Variants in ERBIN observed in about 807,000 individuals in gnomAD.
ERBIN encodes densin-180-like protein.
ERBIN carries 60 observed loss-of-function variants against 158.4 expected under a neutral mutation model. That is an observed-to-expected ratio of 0.38 (90% CI 0.31 to 0.47). ERBIN has a LOEUF of 0.47. Ranked by LOEUF, ERBIN falls within the 20% of genes least tolerant of loss-of-function variation. The probability of loss-of-function intolerance (pLI) is 0.99; values close to 1 mark genes in which losing one functional copy is unlikely to be tolerated. For synonymous variants in ERBIN, 594 were observed against 557.2 expected (o/e 1.07, Z -0.93); for missense variants, 1,610 against 1,648.0 (o/e 0.98, Z 0.40).
chr5:65,978,959 G>A lies in ERBIN; in HGVS notation c.-57-9676G>A, dbSNP rs575746139. Among the ~76,000 whole-genome samples the A allele has an allele frequency of 2.6e-5, 4 of 152,278 alleles. No individual in the cohort carries two copies. In the East Asian group the frequency reaches 5.8e-4, roughly 22 times the overall value. On this transcript the variant is annotated intron_variant, in intron 1 of 25. Transcript: ENST00000284037. ...CTACTACCTCAGATTTGACAAGATC[G>A]AAAAGGTGACTGTGGGTCGGTGATG...
At chr5:66,051,029 C>A (rs1324323421) in intron 20 of ERBIN, 63 bp downstream of exon 20, 8 of 1,041,284 alleles carry the variant, frequency 7.7e-6, no homozygotes, top group Middle Eastern at 4.6e-4. Flanking sequence ...AGGCAGATAA[C>A]AAATACATAA....
chr5:66,001,154 GA>G (rs1428361942), intron 4 of ERBIN, among the ~76,000 whole-genome samples: 1 of 151,930 alleles, frequency 6.6e-6, no homozygotes, highest in Non-Finnish European at 1.5e-5. Flanking sequence ...GTAATATTTT[GA>G]AATTATTAAA....
At chr5:66,074,676 A>C (rs776113317) in intron 22 of ERBIN, among the ~76,000 whole-genome samples, 1 of 152,166 alleles carries the variant, frequency 6.6e-6, no homozygotes, top group Non-Finnish European at 1.5e-5. Context: ...TTGGTATACT[A>C]TGTGCCATTT....
intron 18 of ERBIN, 42 bp downstream of exon 18, chr5:66,046,580 C>A: frequency 2.9e-6 from 4 of 1,400,816 alleles, no homozygotes; most frequent in Non-Finnish European, 3.8e-6. Flanking sequence ...TAAGAACTTT[C>A]AATTTAATAT....
intron 1 of ERBIN, among the ~76,000 whole-genome samples, chr5:65,964,741 CTTT>C (rs70987103): frequency 8.4e-6 from 1 of 119,474 alleles, no homozygotes. Flanking sequence ...CCAGAGCAAT[CTTT>C]TTTTTTTTTT....
At chr5:65,982,192 C>T (rs961548562) in intron 1 of ERBIN, among the ~76,000 whole-genome samples, 16 of 152,154 alleles carry the variant, frequency 1.1e-4, no homozygotes, top group African/African-American at 3.4e-4. Flanking sequence ...TACTGAAAGT[C>T]CTGTAGTACC....
chr5:66,054,972 C>T, intron 21 of ERBIN, 21 bp downstream of exon 21: 2 of 1,526,034 alleles, frequency 1.3e-6, no homozygotes, highest in Non-Finnish European at 1.8e-6. Context: ...ATGAGTTTTT[C>T]ATTATTTTCT....
At chr5:65,996,751 GT>G (rs766190425) in intron 4 of ERBIN, among the ~76,000 whole-genome samples, 23 of 152,140 alleles carry the variant, frequency 1.5e-4, no homozygotes, top group Non-Finnish European at 2.9e-4. Context: ...TGATTTTGAA[GT>G]CCGTGAACAC....
At chr5:65,977,833 C>T (rs1300104627) in intron 1 of ERBIN, among the ~76,000 whole-genome samples, 2 of 151,586 alleles carry the variant, frequency 1.3e-5, no homozygotes, top group East Asian at 1.9e-4. Flanking sequence ...TGTAGCGAGC[C>T]GAGATCACGC....
At chr5:66,065,890 A>C (rs1760940047) in intron 21 of ERBIN, among the ~76,000 whole-genome samples, 2 of 152,082 alleles carry the variant, frequency 1.3e-5, no homozygotes, top group Non-Finnish European at 2.9e-5. Context: ...ATAATGTTAG[A>C]TGTGGTTCTT....
intron 3 of ERBIN, among the ~76,000 whole-genome samples, chr5:65,994,073 G>C (rs1752171820): frequency 6.6e-6 from 1 of 152,094 alleles, no homozygotes; most frequent in Non-Finnish European, 1.5e-5. Flanking sequence ...TATCCTAGGG[G>C]TCATCTTACA....
chr5:65,952,434 A>G (rs1746619116), intron 1 of ERBIN, among the ~76,000 whole-genome samples: 1 of 152,138 alleles, frequency 6.6e-6, no homozygotes, highest in Non-Finnish European at 1.5e-5. Context: ...ATCATGGTGC[A>G]TTGCAGCCTC....
chr5:66,018,492 T>TATATAA (rs1331154080), intron 7 of ERBIN, among the ~76,000 whole-genome samples: 1 of 8,384 alleles, frequency 1.2e-4, no homozygotes, highest in Non-Finnish European at 2.4e-4. Flanking sequence ...ATATATTATA[T>TATATAA]TATATAATAT....
intron 1 of ERBIN, among the ~76,000 whole-genome samples, chr5:65,983,254 C>G (rs1305913910): frequency 6.6e-6 from 1 of 152,092 alleles, no homozygotes; most frequent in East Asian, 1.9e-4. Flanking sequence ...TGATGTTGAT[C>G]TTCTAGTTAT....
At chr5:65,983,413 CTT>C (rs932245317) in intron 1 of ERBIN, among the ~76,000 whole-genome samples, 3 of 151,274 alleles carry the variant, frequency 2.0e-5, no homozygotes, top group African/African-American at 7.3e-5. Context: ...AGTTCAAAAA[CTT>C]TTTTTTTACT....
intron 21 of ERBIN, among the ~76,000 whole-genome samples, chr5:66,063,638 G>C (rs1391947732): frequency 2.0e-5 from 3 of 152,154 alleles, no homozygotes; most frequent in Non-Finnish European, 4.4e-5. Flanking sequence ...CGCTCACGCT[G>C]GGAGCTGTAG....
At chr5:65,963,099 A>C (rs1373894411) in intron 1 of ERBIN, among the ~76,000 whole-genome samples, 1 of 152,216 alleles carries the variant, frequency 6.6e-6, no homozygotes, top group East Asian at 1.9e-4. Flanking sequence ...ATTACTTTTT[A>C]AAAGGTAAAT....
chr5:66,052,822 T>C (rs886924510), intron 20 of ERBIN, among the ~76,000 whole-genome samples: 11 of 152,218 alleles, frequency 7.2e-5, no homozygotes, highest in Non-Finnish European at 1.6e-4. Flanking sequence ...TTCATTTATC[T>C]TTCTATGCCT....
chr5:65,933,308 C>T (rs1318064686), intron 1 of ERBIN, among the ~76,000 whole-genome samples: 2 of 152,244 alleles, frequency 1.3e-5, no homozygotes, highest in East Asian at 1.9e-4. Flanking sequence ...CTGTATTGGT[C>T]ATTTAAATAT....
Sources: gnomAD v4.1 joint callset for allele counts (sites outside exome capture counted in the v4.1 genomes callset) on GRCh38, gnomAD v4.1.1 for gene constraint, MANE v1.5 for transcripts, NCBI Gene and HGNC (gene_info 2026-07-23, HGNC 2026-07-21) for gene names.